CNTNAP2: variants seen among roughly 807,000 people sequenced by gnomAD.
CNTNAP2 encodes the protein contactin-associated protein-like 2.
A neutral mutation model predicts 155.2 loss-of-function variants in CNTNAP2; 98 were observed. The ratio of observed to expected loss-of-function variants is 0.63; its 90% CI spans 0.54 to 0.75. The LOEUF (loss-of-function observed/expected upper bound fraction) is 0.75. Among genes scored for constraint, CNTNAP2 ranks in the 30% least tolerant of loss-of-function variants. The probability of loss-of-function intolerance (pLI) is 0.00; values close to 1 mark genes in which losing one functional copy is unlikely to be tolerated. For synonymous variants in CNTNAP2, 651 were observed against 631.2 expected (o/e 1.03, Z -0.47); for missense variants, 1,727 against 1,688.1 (o/e 1.02, Z -0.40).
chr7:147,089,842 A>G (rs1800361586), intron 4 of CNTNAP2, among the ~76,000 whole-genome samples: 1 of 152,200 alleles, frequency 6.6e-6, no homozygotes, highest in Non-Finnish European at 1.5e-5. Flanking sequence ...AGGTGTTCAT[A>G]TAAGCACCCG....
At chr7:148,296,545 CAAAAAAAAAAA>C (rs143609414) in intron 21 of CNTNAP2, among the ~76,000 whole-genome samples, 17 of 76,606 alleles carry the variant, frequency 2.2e-4, no homozygotes, top group African/African-American at 6.1e-4. Context: ...GACTCTGTCT[CAAAAAAAAAAA>C]AAAAAAAAAA....
intron 1 of CNTNAP2, among the ~76,000 whole-genome samples, chr7:146,145,786 G>A (rs958899580): frequency 3.3e-5 from 5 of 152,128 alleles, no homozygotes; most frequent in Non-Finnish European, 5.9e-5. Context: ...TAGAAAAATT[G>A]TGTTTTAGTA....
intron 9 of CNTNAP2, among the ~76,000 whole-genome samples, chr7:147,303,346 G>A (rs529290695): frequency 6.6e-6 from 1 of 152,260 alleles, no homozygotes; most frequent in African/African-American, 2.4e-5. Flanking sequence ...AGTTGATATG[G>A]GAATAAATAG....
At chr7:147,450,359 G>T (rs937774040) in intron 10 of CNTNAP2, among the ~76,000 whole-genome samples, 2 of 152,128 alleles carry the variant, frequency 1.3e-5, no homozygotes, top group Admixed American at 1.3e-4. Context: ...CAGCAATAAA[G>T]AACTGAATTT....
At chr7:146,543,421 C>A (rs1797983168) in intron 1 of CNTNAP2, among the ~76,000 whole-genome samples, 1 of 151,776 alleles carries the variant, frequency 6.6e-6, no homozygotes, top group Non-Finnish European at 1.5e-5. Context: ...TCCATTCAGC[C>A]CCCTCCCATA....
intron 14 of CNTNAP2, among the ~76,000 whole-genome samples, chr7:147,943,331 T>C (rs1404024885): frequency 6.6e-6 from 1 of 152,218 alleles, no homozygotes; most frequent in Non-Finnish European, 1.5e-5. Flanking sequence ...CATGAAATGA[T>C]GTCCAGTTAT....
intron 9 of CNTNAP2, among the ~76,000 whole-genome samples, chr7:147,312,819 T>A (rs1584865050): frequency 8.1e-6 from 1 of 123,658 alleles, no homozygotes; most frequent in Non-Finnish European, 1.6e-5. Context: ...TAGTTCTAGA[T>A]CCCTGAGGAA....
At chr7:147,300,743 C>T (rs1584856785) in intron 9 of CNTNAP2, among the ~76,000 whole-genome samples, 1 of 152,110 alleles carries the variant, frequency 6.6e-6, no homozygotes, top group Non-Finnish European at 1.5e-5. Context: ...CTTGTGGCTG[C>T]ATCATTGGAA....
rs114786703 is a variant in CNTNAP2, at chr7:146,578,460, G to T, written c.98-195811G>T. 6.5e-3 allele frequency among the ~76,000 whole-genome samples: 989 copies of T among 152,190 alleles called. 8 individuals carry two copies. Among genetic ancestry groups the T allele is most frequent in the African/African-American group, 0.023 (946 of 41,530 alleles). ...ACACAACCTTAACTAACATACATAA[G>T]AATATTATATGCTGTTTATTTTTCA... On this transcript the variant is annotated intron_variant, in intron 1 of 23. Coordinates refer to ENST00000361727, the MANE Select transcript of CNTNAP2 (RefSeq NM_014141.6).
intron 15 of CNTNAP2, among the ~76,000 whole-genome samples, chr7:148,099,451 G>GTT: frequency 6.7e-6 from 1 of 148,758 alleles, no homozygotes; most frequent in Non-Finnish European, 1.5e-5. Flanking sequence ...GTGTGTGTGT[G>GTT]TGTGTGTGTT....
rs1339407439 is a variant in CNTNAP2, at chr7:148,416,986, A to G, written c.*1370A>G. The G allele has an allele frequency of 6.6e-6, 1 of 152,240 alleles. No homozygotes were observed. The highest frequency in any genetic ancestry group is 2.4e-5 in the African/African-American group (1 of 41,464). The allele number at this position is 152,240 out of a possible 1,614,324, so 9.4% of individuals were successfully genotyped here. ...CACTTCCTGTAAACAAATGGGGACA[A>G]TGCATCCAAAAAATCTTTTTAAACA... On this transcript the variant is annotated 3_prime_UTR_variant, in exon 24 of 24. Transcript: ENST00000361727.
chr7:146,808,175 C>T (rs1207356527), intron 2 of CNTNAP2, among the ~76,000 whole-genome samples: 3 of 152,144 alleles, frequency 2.0e-5, no homozygotes, highest in Non-Finnish European at 2.9e-5. Context: ...TTGAAGCATA[C>T]AACTGTGTTT....
At chr7:147,749,487 A>G (rs1217069928) in intron 13 of CNTNAP2, among the ~76,000 whole-genome samples, 1 of 152,224 alleles carries the variant, frequency 6.6e-6, no homozygotes, top group Non-Finnish European at 1.5e-5. Flanking sequence ...ATAGATATGA[A>G]CATATAAAAG....
At chr7:147,416,396 C>T (rs530556397) in intron 10 of CNTNAP2, among the ~76,000 whole-genome samples, 2 of 152,304 alleles carry the variant, frequency 1.3e-5, no homozygotes, top group South Asian at 4.1e-4. Context: ...CTACACCCAA[C>T]TCCACATTGA....
Position 148,217,276 on chromosome 7 carries a change from C to A in CNTNAP2, c.3011-12C>A. 6.2e-7 allele frequency: 1 copy of A among 1,613,712 alleles called. No individual in the cohort carries two copies. Among genetic ancestry groups the A allele is most frequent in the East Asian group, 2.2e-5 (1 of 44,880 alleles). ...CTCCTCATTTTTCAATTCTCTCTCT[C>A]CTTTATAACAGATGTTGGTGCATTT... On this transcript the variant is annotated splice_polypyrimidine_tract_variant and intron_variant, in intron 18 of 23. Transcript: ENST00000361727.
chr7:146,809,650 C>A (rs1045705296), intron 2 of CNTNAP2, among the ~76,000 whole-genome samples: 1 of 152,136 alleles, frequency 6.6e-6, no homozygotes, highest in Non-Finnish European at 1.5e-5. Flanking sequence ...AGGCTTGAGC[C>A]ACTGCACTTG....
chr7:146,355,244 T>G (rs1334188808), intron 1 of CNTNAP2, among the ~76,000 whole-genome samples: 1 of 152,190 alleles, frequency 6.6e-6, no homozygotes, highest in Non-Finnish European at 1.5e-5. Flanking sequence ...TATCAAAAAC[T>G]TGATTTAAGC....
chr7:146,175,849 A>C (rs1316777506), intron 1 of CNTNAP2, among the ~76,000 whole-genome samples: 1 of 151,440 alleles, frequency 6.6e-6, no homozygotes, highest in Non-Finnish European at 1.5e-5. Context: ...ATCCTTGTCT[A>C]TTTTTCTTTC....
intron 8 of CNTNAP2, among the ~76,000 whole-genome samples, chr7:147,139,586 C>T (rs1283421968): frequency 6.6e-6 from 1 of 151,992 alleles, no homozygotes; most frequent in Non-Finnish European, 1.5e-5. Flanking sequence ...GAGATAGTAT[C>T]ATTGCCCAGC....
Sources: gnomAD v4.1 joint callset for allele counts (sites outside exome capture counted in the v4.1 genomes callset) on GRCh38, gnomAD v4.1.1 for gene constraint, MANE v1.5 for transcripts, NCBI Gene and HGNC (gene_info 2026-07-23, HGNC 2026-07-21) for gene names.